NTF3: variants seen among roughly 807,000 people sequenced by gnomAD.
NTF3 encodes neurotrophin 3.
Under a neutral mutation model 26.3 loss-of-function variants are expected in NTF3, and 8 were observed. The observed-to-expected ratio is 0.30, with a 90% CI of 0.18 to 0.55. The LOEUF (loss-of-function observed/expected upper bound fraction) is 0.55, where lower values mean the gene tolerates loss of function less well. Among genes scored for constraint, NTF3 ranks in the 20% least tolerant of loss-of-function variants. The pLI, the probability that NTF3 is intolerant of heterozygous loss-of-function variation, is 0.93. For missense variants in NTF3, 276 were observed against 352.9 expected, an observed-to-expected ratio of 0.78 and a Z score of 1.75; for synonymous variants, 154 against 145.5, an observed-to-expected ratio of 1.06 and a Z score of -0.42.
At chr12:5,448,612 G>T (rs576491186) in intron 1 of NTF3, among the ~76,000 whole-genome samples, 1 of 152,206 alleles carries the variant, frequency 6.6e-6, no homozygotes, top group Non-Finnish European at 1.5e-5. Flanking sequence ...ACATTGTTTT[G>T]GGAGTAGGGC....
At chr12:5,481,185 C>G (rs1028439880) in intron 1 of NTF3, among the ~76,000 whole-genome samples, 3 of 152,076 alleles carry the variant, frequency 2.0e-5, no homozygotes, top group Non-Finnish European at 4.4e-5. Flanking sequence ...TACTCCGGTT[C>G]CTGCCCTTGC....
intron 1 of NTF3, among the ~76,000 whole-genome samples, chr12:5,444,262 G>A (rs1040613116): frequency 4.6e-5 from 7 of 152,170 alleles, no homozygotes; most frequent in African/African-American, 9.7e-5. Context: ...TCCAATTGTC[G>A]ATTATGTGTT....
At chr12:5,479,969 A>AT (rs1375957153) in intron 1 of NTF3, among the ~76,000 whole-genome samples, 30 of 152,216 alleles carry the variant, frequency 2.0e-4, no homozygotes, top group African/African-American at 6.7e-4. Context: ...TGATCCCTGG[A>AT]GCATCCCTGG....
chr12:5,437,386 T>G (rs1314704553), intron 1 of NTF3, among the ~76,000 whole-genome samples: 1 of 152,228 alleles, frequency 6.6e-6, no homozygotes, highest in Non-Finnish European at 1.5e-5. Flanking sequence ...CAGAGTTTAA[T>G]TACATAACAT....
At chr12:5,470,419 A>G (rs1940650282) in intron 1 of NTF3, among the ~76,000 whole-genome samples, 1 of 152,214 alleles carries the variant, frequency 6.6e-6, no homozygotes, top group South Asian at 2.1e-4. Context: ...GCAGGAAAAC[A>G]CCCCCTCACG....
At chr12:5,446,639 C>G (rs1032804987) in intron 1 of NTF3, among the ~76,000 whole-genome samples, 2 of 152,184 alleles carry the variant, frequency 1.3e-5, no homozygotes, top group African/African-American at 4.8e-5. Flanking sequence ...AAAATCAAGA[C>G]CTGAAAAAGT....
intron 1 of NTF3, among the ~76,000 whole-genome samples, chr12:5,480,273 C>CGCAACGGGAACATTG (rs1940772591): frequency 6.6e-6 from 1 of 152,116 alleles, no homozygotes; most frequent in Non-Finnish European, 1.5e-5. Context: ...TGTTTGCATT[C>CGCAACGGGAACATTG]GCAACGGGAA....
In NTF3 at chr12:5,456,509, C is replaced by T. The variant is rs1003091850; in HGVS notation, c.18+24167C>T. ...CAACGGCACCTAACCACCTCAGGCA[C>T]GGTGGACCTGGCTCCTCAGAGAGCT... On this transcript the variant is annotated intron_variant, in intron 1 of 1. Coordinates refer to ENST00000423158, the MANE Select transcript of NTF3 (RefSeq NM_001102654.2). This position sits in a 1 kb window ranked among gnomAD's most constrained non-coding sequence, Gnocchi z 4.4. Among the ~76,000 whole-genome samples, 14 of 152,214 alleles carry T rather than the reference C, an allele frequency of 9.2e-5. No homozygotes were observed. The highest frequency in any genetic ancestry group is 7.8e-4 in the East Asian group (4 of 5,156).
At chr12:5,490,271 C>T (rs760628587) in intron 1 of NTF3, among the ~76,000 whole-genome samples, 2 of 152,150 alleles carry the variant, frequency 1.3e-5, no homozygotes, top group East Asian at 1.9e-4. Flanking sequence ...GGGTAGGTCT[C>T]GATCGTAGCA....
At chr12:5,482,201 T>C (rs749982032) in intron 1 of NTF3, among the ~76,000 whole-genome samples, 7 of 152,202 alleles carry the variant, frequency 4.6e-5, no homozygotes, top group African/African-American at 1.2e-4. Context: ...GCCTGACTTG[T>C]TTCCCACAAG....
intron 1 of NTF3, among the ~76,000 whole-genome samples, chr12:5,441,855 G>A (rs1209060096): frequency 2.6e-5 from 4 of 152,220 alleles, no homozygotes; most frequent in Admixed American, 2.6e-4. Context: ...TTGGTGGCCA[G>A]AAAAGGCTGT....
Position 5,485,340 on chromosome 12 carries a change from T to C in NTF3, c.19-8854T>C, listed in dbSNP as rs368260319. On this transcript the variant is annotated intron_variant, in intron 1 of 1. Coordinates refer to ENST00000423158, the MANE Select transcript of NTF3 (RefSeq NM_001102654.2). ...ATGAAGTGGCAGGTGCCTTAGACTT[T>C]GGAGTGAAATTGAGAGATATTCCGC... Among the ~76,000 whole-genome samples, 331 of 152,328 alleles carry C rather than the reference T, an allele frequency of 2.2e-3. 2 individuals are homozygous for C. The highest frequency in any genetic ancestry group is 7.3e-3 in the African/African-American group (304 of 41,578).
chr12:5,431,998 G>A (rs1345826611), upstream of NTF3: 2 of 150,198 alleles, frequency 1.3e-5, no homozygotes, highest in African/African-American at 4.9e-5. Flanking sequence ...CGCGCGGCGC[G>A]GCGCGGGCCG....
At chr12:5,459,786 G>T (rs1280011694) in intron 1 of NTF3, among the ~76,000 whole-genome samples, 4 of 152,168 alleles carry the variant, frequency 2.6e-5, no homozygotes, top group African/African-American at 4.8e-5. Context: ...TCTCTTTGGG[G>T]TCTCTGGTCT....
chr12:5,458,300 G>A (rs1364951310), intron 1 of NTF3, among the ~76,000 whole-genome samples: 2 of 152,126 alleles, frequency 1.3e-5, no homozygotes, highest in African/African-American at 2.4e-5. Flanking sequence ...GAGCATGACC[G>A]CCTCTGGGAG....
At chr12:5,444,337 G>A (rs10735049) in intron 1 of NTF3, among the ~76,000 whole-genome samples, 125,318 of 152,186 alleles carry the variant, frequency 0.82, 51,631 homozygotes, top group East Asian at 0.94. Context: ...AGGGGCTGGG[G>A]CAGAGATAAA....
intron 1 of NTF3, among the ~76,000 whole-genome samples, chr12:5,464,365 C>A (rs1186227294): frequency 1.3e-5 from 2 of 152,208 alleles, no homozygotes; most frequent in East Asian, 3.8e-4. Flanking sequence ...CAGCCCCCAA[C>A]TTAACAGTGG....
intron 1 of NTF3, among the ~76,000 whole-genome samples, chr12:5,471,713 T>A (rs577326532): frequency 1.3e-5 from 2 of 152,184 alleles, no homozygotes; most frequent in Admixed American, 1.3e-4. Flanking sequence ...GGCTTGACTT[T>A]GCTCACTGGG....
intron 1 of NTF3, among the ~76,000 whole-genome samples, chr12:5,434,949 T>A (rs1320790808): frequency 1.3e-5 from 2 of 151,960 alleles, no homozygotes; most frequent in Non-Finnish European, 2.9e-5. Flanking sequence ...TGAGCTCAGA[T>A]CCTCTTTATG....
Sources: gnomAD v4.1 joint callset for allele counts (sites outside exome capture counted in the v4.1 genomes callset) on GRCh38, gnomAD v4.1.1 for gene constraint, Gnocchi (gnomAD v3.1) non-coding constraint, MANE v1.5 for transcripts, NCBI Gene and HGNC (gene_info 2026-07-23, HGNC 2026-07-21) for gene names.